PLEKHA5: variants seen among roughly 807,000 people sequenced by gnomAD.
PLEKHA5 encodes pleckstrin homology domain containing A5, also known as pleckstrin homology domain-containing family A member 5.
Under a neutral mutation model 181.9 loss-of-function variants are expected in PLEKHA5, and 55 were observed. The ratio of observed to expected loss-of-function variants is 0.30; its 90% CI spans 0.24 to 0.38. The LOEUF (loss-of-function observed/expected upper bound fraction) is 0.38, where lower values mean the gene tolerates loss of function less well. Ranked by LOEUF, PLEKHA5 falls within the 10% of genes least tolerant of loss-of-function variation. The pLI is 1.00. For missense variants in PLEKHA5, 1,432 were observed against 1,549.5 expected (o/e 0.92, Z 1.27); for synonymous variants, 535 against 529.4 (o/e 1.01, Z -0.15).
Position 19,353,937 on chromosome 12 carries a change from G to A in PLEKHA5, c.3073G>A (p.Glu1025Lys), listed in dbSNP as rs756399968. Residue 1025 changes from glutamate (E) to lysine (K), a missense_variant, in exon 26 of 32, where the codon GAA (glutamate) becomes AAA (lysine). Around this residue, in one of 2 missense-constraint regions of PLEKHA5, gnomAD observed 1,143 missense variants for 1,168.4 expected, o/e 0.98. Coordinates refer to ENST00000429027, the MANE Select transcript of PLEKHA5 (RefSeq NM_001256470.2). Reference protein sequence around the residue: ...VPPRAKSPTPESSTIASYVTL... With the variant: ...VPPRAKSPTPKSSTIASYVTL... ...TCCAAGAGCAAAATCACCAACACCC[G>A]AATCTTCGACAATAGCTTCCTATGT... 24 of 1,611,568 alleles carry A rather than the reference G, an allele frequency of 1.5e-5. No homozygotes were observed. The highest frequency in any genetic ancestry group is 4.0e-5 in the African/African-American group (3 of 74,854).
At chr12:19,159,415 C>T (rs1258008074) in intron 3 of PLEKHA5, among the ~76,000 whole-genome samples, 1 of 152,164 alleles carries the variant, frequency 6.6e-6, no homozygotes, top group African/African-American at 2.4e-5. Context: ...CCCACAATCT[C>T]ACCATCAAAC....
chr12:19,202,638 A>G (rs2054453455), intron 3 of PLEKHA5, among the ~76,000 whole-genome samples: 1 of 151,576 alleles, frequency 6.6e-6, no homozygotes, highest in Admixed American at 6.6e-5. Flanking sequence ...ACAAACGCCA[A>G]TTGTGAACCC....
intron 3 of PLEKHA5, among the ~76,000 whole-genome samples, chr12:19,218,516 T>C (rs2058381695): frequency 6.6e-6 from 1 of 152,176 alleles, no homozygotes; most frequent in Non-Finnish European, 1.5e-5. Flanking sequence ...CTAAATTTCA[T>C]TAGATACAAC....
At chr12:19,236,337 G>A (rs544260776) in intron 3 of PLEKHA5, among the ~76,000 whole-genome samples, 1 of 152,206 alleles carries the variant, frequency 6.6e-6, no homozygotes, top group East Asian at 1.9e-4. Context: ...TAACTACTTT[G>A]TGCCTTAGTT....
At chr12:19,143,887 G>T (rs2038152258) in intron 3 of PLEKHA5, among the ~76,000 whole-genome samples, 1 of 151,990 alleles carries the variant, frequency 6.6e-6, no homozygotes, top group Non-Finnish European at 1.5e-5. Context: ...TAACTTTGTT[G>T]TTTGTGAGTT....
intron 3 of PLEKHA5, among the ~76,000 whole-genome samples, chr12:19,174,839 T>C (rs931221155): frequency 1.3e-5 from 2 of 152,236 alleles, no homozygotes; most frequent in Non-Finnish European, 2.9e-5. Flanking sequence ...TGCAGTCATC[T>C]CTGTTGGATT....
chr12:19,309,552 T>G (rs1405398338), intron 15 of PLEKHA5, among the ~76,000 whole-genome samples: 1 of 152,056 alleles, frequency 6.6e-6, no homozygotes, highest in Admixed American at 6.6e-5. Context: ...GGTCAGGTGA[T>G]CGAGATCAGC....
chr12:19,157,857 A>T (rs2042112346), intron 3 of PLEKHA5, among the ~76,000 whole-genome samples: 1 of 152,172 alleles, frequency 6.6e-6, no homozygotes, highest in South Asian at 2.1e-4. Context: ...AGGTCATCAG[A>T]TTATTAAAAA....
At chr12:19,304,114 C>G (rs977186070) in intron 15 of PLEKHA5, among the ~76,000 whole-genome samples, 4 of 151,870 alleles carry the variant, frequency 2.6e-5, no homozygotes, top group Non-Finnish European at 5.9e-5. Flanking sequence ...TGGCCGAGAC[C>G]CCATCTCTTA....
chr12:19,318,529 T>A (rs1191982157), intron 16 of PLEKHA5, among the ~76,000 whole-genome samples: 1 of 152,194 alleles, frequency 6.6e-6, no homozygotes, highest in African/African-American at 2.4e-5. Flanking sequence ...CTCTGAGATA[T>A]AGGGTACATT....
chr12:19,200,570 T>G (rs2053968887), intron 3 of PLEKHA5: 1 of 1,241,286 alleles, frequency 8.1e-7, no homozygotes, highest in East Asian at 3.2e-5. Flanking sequence ...TCCTAGTAGA[T>G]CATACCTTGG....
chr12:19,144,069 A>T (rs976283528), intron 3 of PLEKHA5, among the ~76,000 whole-genome samples: 1 of 152,202 alleles, frequency 6.6e-6, no homozygotes, highest in African/African-American at 2.4e-5. Flanking sequence ...AACATATAAG[A>T]ATGTATGAAA....
chr12:19,148,122 T>C (rs1291294253), intron 3 of PLEKHA5, among the ~76,000 whole-genome samples: 1 of 152,166 alleles, frequency 6.6e-6, no homozygotes, highest in East Asian at 1.9e-4. Context: ...AGTGGCAGGA[T>C]CTCAGCTCAC....
intron 3 of PLEKHA5, among the ~76,000 whole-genome samples, chr12:19,244,497 G>A (rs1160660032): frequency 6.6e-5 from 10 of 152,226 alleles, no homozygotes; most frequent in Non-Finnish European, 1.5e-5. Flanking sequence ...TGTGGGTTGG[G>A]CCTTTGCAAA....
chr12:19,283,426 A>G lies in PLEKHA5; in HGVS notation c.1460A>G (p.Asp487Gly). The change falls in exon 12 of 32, where the codon GAC becomes GGC. Residue 487 changes from aspartate (D) to glycine (G), a missense_variant. By Grantham distance (94) the Asp-to-Gly change is moderately conservative (BLOSUM62 -1). Coordinates refer to ENST00000429027, the MANE Select transcript of PLEKHA5 (RefSeq NM_001256470.2). ...SICSVTPSTH[D>G]KTLGPGAEEK... Reference sequence around the variant, plus strand: ...TGCAGTGTAACCCCTTCCACTCATGACAAGACATTAGGACCCGGAGCGGAG... The same window carrying G: ...TGCAGTGTAACCCCTTCCACTCATGGCAAGACATTAGGACCCGGAGCGGAG... The G allele has an allele frequency of 1.2e-6, 2 of 1,614,092 alleles. No homozygotes were observed. Among genetic ancestry groups the G allele is most frequent in the Non-Finnish European group, 1.7e-6 (2 of 1,180,034 alleles).
chr12:19,321,283 A>T (rs1390095280), intron 18 of PLEKHA5, among the ~76,000 whole-genome samples: 3 of 150,770 alleles, frequency 2.0e-5, no homozygotes, highest in Admixed American at 6.6e-5. Flanking sequence ...GTTTCTTTTA[A>T]ATCATATTTT....
intron 7 of PLEKHA5, among the ~76,000 whole-genome samples, chr12:19,262,549 T>G (rs1486245036): frequency 1.3e-5 from 2 of 152,152 alleles, no homozygotes; most frequent in Non-Finnish European, 2.9e-5. Flanking sequence ...AAGAATTTAT[T>G]GATGTTAATT....
At position 19,307,407 on chromosome 12, in the gene PLEKHA5, G is replaced by A. The variant is rs578250011; in HGVS notation, c.2038-7407G>A. ...GAATCGCCTGAATCCTGGAGGCGGA[G>A]GTTGCAGTGAGCCGAGATTGTGCCA... On this transcript the variant is annotated intron_variant, in intron 15 of 31. Transcript: ENST00000429027. 58 of 263,262 alleles carry A rather than the reference G, an allele frequency of 2.2e-4. 1 individual carries two copies. In the South Asian group the frequency reaches 2.6e-3, roughly 12 times the overall value. 16.3% of individuals were successfully genotyped at this position (263,262 alleles called of 1,614,324 possible). A position where few individuals can be genotyped will look rare whatever the true frequency, so the allele number is the denominator to read the frequency against.
intron 29 of PLEKHA5, among the ~76,000 whole-genome samples, chr12:19,362,400 G>T (rs1392056302): frequency 6.6e-6 from 1 of 151,864 alleles, no homozygotes; most frequent in Non-Finnish European, 1.5e-5. Context: ...CAGACATGGT[G>T]GTGCATGTCT....
Sources: gnomAD v4.1 joint callset for allele counts (sites outside exome capture counted in the v4.1 genomes callset) on GRCh38, gnomAD v4.1.1 for gene constraint, gnomAD v4.1.1 regional missense constraint, MANE v1.5 for transcripts, NCBI Gene and HGNC (gene_info 2026-07-23, HGNC 2026-07-21) for gene names.